CCDC50: variants seen among roughly 807,000 people sequenced by gnomAD.
The protein encoded by CCDC50 is coiled-coil domain containing 50, also known as coiled-coil domain-containing protein 50.
Under a neutral mutation model 70.2 loss-of-function variants are expected in CCDC50, and 54 were observed. The observed-to-expected ratio is 0.77, with a 90% CI of 0.62 to 0.96. The LOEUF (loss-of-function observed/expected upper bound fraction) is 0.96. Among genes scored for constraint, CCDC50 ranks in the 50% least tolerant of loss-of-function variants. The pLI is 0.00. For synonymous variants in CCDC50, 216 were observed against 198.8 expected (o/e 1.09, Z -0.73); for missense variants, 558 against 578.7 (o/e 0.96, Z 0.37).
chr3:191,377,355 G>GACAC (rs1237114014), intron 6 of CCDC50, among the ~76,000 whole-genome samples: 2 of 152,148 alleles, frequency 1.3e-5, no homozygotes, highest in Non-Finnish European at 1.5e-5. Flanking sequence ...CTAGCAGGAT[G>GACAC]ACACGGAGCT....
At chr3:191,365,599 T>C (rs1050104332) in intron 4 of CCDC50, among the ~76,000 whole-genome samples, 1 of 152,166 alleles carries the variant, frequency 6.6e-6, no homozygotes, top group African/African-American at 2.4e-5. Context: ...TGCCTTGACA[T>C]CCCTGCCGAG....
intron 4 of CCDC50, among the ~76,000 whole-genome samples, chr3:191,366,404 G>T (rs1712690774): frequency 2.0e-5 from 3 of 152,034 alleles, no homozygotes; most frequent in African/African-American, 7.2e-5. Flanking sequence ...GATAACAGAA[G>T]GGAAAGGTGA....
chr3:191,356,482 G>A (rs115958511), intron 1 of CCDC50, among the ~76,000 whole-genome samples: 2 of 152,192 alleles, frequency 1.3e-5, no homozygotes, highest in Non-Finnish European at 2.9e-5. Context: ...GGGACCTAGA[G>A]ACCTAGTTCT....
chr3:191,367,767 A>G (rs1222773174), intron 4 of CCDC50, among the ~76,000 whole-genome samples: 2 of 152,106 alleles, frequency 1.3e-5, no homozygotes, highest in Admixed American at 6.6e-5. Context: ...TGTTTACTGT[A>G]AAGCAAACCA....
chr3:191,369,455 T>C (rs1712819846), intron 4 of CCDC50, among the ~76,000 whole-genome samples: 2 of 152,116 alleles, frequency 1.3e-5, no homozygotes, highest in African/African-American at 2.4e-5. Context: ...AGAAGGAAGA[T>C]TGTTTTCTCT....
intron 4 of CCDC50, among the ~76,000 whole-genome samples, chr3:191,367,567 A>G (rs1465982146): frequency 1.3e-5 from 2 of 152,180 alleles, no homozygotes; most frequent in Admixed American, 6.5e-5. Flanking sequence ...GAGAACTTCA[A>G]TTCTTTATCT....
chr3:191,375,093 G>A lies in CCDC50; in HGVS notation c.480G>A (p.Leu160=). 1 of 1,613,412 alleles carries A rather than the reference G, an allele frequency of 6.2e-7. No homozygotes were observed. The highest frequency in any genetic ancestry group is 8.5e-7 in the Non-Finnish European group (1 of 1,179,662). ...CAGGGTCAAGGAGGGCCAGGGAATT[G>A]GGTTCTGGATTCTCAAGACCTTGTA... ...DQPGSRRARE[L]GSGFSRPCRL... is the part of the protein sequence containing the mutation. The change falls in exon 6 of 12, where the codon TTG becomes TTA. Residue 160 remains leucine (L), a synonymous_variant. Transcript: ENST00000392455.
intron 3 of CCDC50, among the ~76,000 whole-genome samples, chr3:191,358,611 GT>G (rs1467934595): frequency 2.6e-5 from 4 of 152,148 alleles, no homozygotes; most frequent in African/African-American, 9.7e-5. Flanking sequence ...TGTAGACTCA[GT>G]TTTTTTCATA....
intron 1 of CCDC50, among the ~76,000 whole-genome samples, chr3:191,339,665 T>G (rs1711656245): frequency 1.3e-5 from 2 of 152,208 alleles, no homozygotes; most frequent in African/African-American, 4.8e-5. Context: ...GTGTTGACTT[T>G]CCCAGGCTGT....
At chr3:191,356,897 C>A (rs1275892699) in intron 1 of CCDC50, among the ~76,000 whole-genome samples, 191 bp from the exon 2 acceptor site, 3 of 152,112 alleles carry the variant, frequency 2.0e-5, no homozygotes, top group African/African-American at 7.2e-5. Flanking sequence ...ACTAAGCAGG[C>A]ACTATAGATT....
intron 4 of CCDC50, among the ~76,000 whole-genome samples, chr3:191,364,263 T>G (rs917801830): frequency 3.9e-4 from 59 of 152,038 alleles, no homozygotes; most frequent in African/African-American, 1.4e-3. Flanking sequence ...GAGACAGGGT[T>G]TCGTCATGTT....
At chr3:191,332,075 T>C (rs763754430) in intron 1 of CCDC50, among the ~76,000 whole-genome samples, 3 of 152,218 alleles carry the variant, frequency 2.0e-5, no homozygotes, top group Non-Finnish European at 4.4e-5. Flanking sequence ...TTAAGAAGAA[T>C]AGTGCAGTGA....
chr3:191,329,430 C>A lies in CCDC50; in HGVS notation c.-245C>A, dbSNP rs934989788. The A allele has an allele frequency of 3.6e-5, 16 of 447,376 alleles. No individual in the cohort carries two copies. The highest frequency in any genetic ancestry group is 5.5e-5 in the Non-Finnish European group (14 of 255,644). The allele number at this position is 447,376 out of a possible 1,614,324, so 27.7% of individuals were successfully genotyped here. A position where few individuals can be genotyped will look rare whatever the true frequency, so the allele number is the denominator to read the frequency against. ...CCGGATATTTGGTATCGATTGGGGC[C>A]GGGGACGCGGAGCAGGTGGCCGCGG... On this transcript the variant is annotated 5_prime_UTR_variant, in exon 1 of 12. Transcript: ENST00000392455.
intron 1 of CCDC50, among the ~76,000 whole-genome samples, chr3:191,348,198 C>A (rs1225756854): frequency 7.1e-6 from 1 of 141,456 alleles, no homozygotes; most frequent in African/African-American, 2.5e-5. Context: ...TGTGAATTTT[C>A]TAGATGGTAG....
chr3:191,365,988 T>C (rs2108655627), intron 4 of CCDC50, among the ~76,000 whole-genome samples: 1 of 152,238 alleles, frequency 6.6e-6, no homozygotes. Context: ...GATTTTTGGA[T>C]TGGGATGCTC....
intron 10 of CCDC50, among the ~76,000 whole-genome samples, chr3:191,386,719 TC>T (rs1373655424): frequency 2.6e-5 from 4 of 152,104 alleles, no homozygotes; most frequent in Non-Finnish European, 4.4e-5. Flanking sequence ...AAGAACTCAA[TC>T]CCATCTACGA....
At chr3:191,368,905 C>G (rs570235022) in intron 4 of CCDC50, among the ~76,000 whole-genome samples, 17 of 152,206 alleles carry the variant, frequency 1.1e-4, no homozygotes, top group African/African-American at 4.1e-4. Context: ...AAGTAATCTT[C>G]AGATTCAGAA....
rs1315157604 is a variant in CCDC50 at position 191,357,111 on chromosome 3, G to A, written c.73G>A (p.Glu25Lys). The change falls in exon 2 of 12, where the codon GAG (glutamate) becomes AAG (lysine). Residue 25 changes from glutamate (E) to lysine (K), a missense_variant. By Grantham distance (56) the Glu-to-Lys change is moderately conservative. Transcript: ENST00000392455. ...KEVCRDFAVL[E>K]DHTLAHSLQE... ...AGTATGCCGAGATTTTGCTGTCCTG[G>A]AGGACCACACCCTGGCTCACAGCCT... The A allele has an allele frequency of 3.1e-6, 5 of 1,613,406 alleles. No individual in the cohort carries two copies. The highest frequency in any genetic ancestry group is 4.2e-6 in the Non-Finnish European group (5 of 1,179,546).
intron 1 of CCDC50, among the ~76,000 whole-genome samples, chr3:191,337,005 A>G (rs1520201): frequency 0.012 from 1,798 of 152,332 alleles, 42 homozygotes; most frequent in African/African-American, 0.04. Flanking sequence ...TATGAAATTC[A>G]AATTTCAGTG....
Sources: allele counts gnomAD v4.1 joint callset (sites outside exome capture counted in the v4.1 genomes callset), GRCh38; gene constraint gnomAD v4.1.1; transcripts MANE v1.5; gene names NCBI Gene and HGNC (gene_info 2026-07-23, HGNC 2026-07-21).